The following ZFAND3 variants were observed in gnomAD, a reference collection of about 807,000 sequenced individuals.
ZFAND3 encodes AN1-type zinc finger protein 3.
ZFAND3 carries 10 observed loss-of-function variants against 29.6 expected under a neutral mutation model. The ratio of observed to expected loss-of-function variants is 0.34; its 90% confidence interval spans 0.21 to 0.57. The LOEUF (loss-of-function observed/expected upper bound fraction) is 0.57. ZFAND3 is among the 20% of genes least tolerant of loss of function. ZFAND3 has a pLI of 0.86. For synonymous variants in ZFAND3, 128 were observed against 112.6 expected, an observed-to-expected ratio of 1.14 and a Z score of -0.87; for missense variants, 230 against 304.5, an observed-to-expected ratio of 0.76 and a Z score of 1.82.
intron 4 of ZFAND3, among the ~76,000 whole-genome samples, chr6:38,110,711 C>G (rs781519567): frequency 3.9e-5 from 6 of 152,184 alleles, no homozygotes; most frequent in Non-Finnish European, 4.4e-5. Flanking sequence ...TAAACAGATT[C>G]ATCTTTCGTA....
At chr6:37,827,653 G>C (rs1423567785) in intron 1 of ZFAND3, among the ~76,000 whole-genome samples, 1 of 152,192 alleles carries the variant, frequency 6.6e-6, no homozygotes, top group East Asian at 1.9e-4. Flanking sequence ...ATAAGTGAAT[G>C]AAAATGCATG....
At chr6:37,837,289 T>C (rs1763985241) in intron 1 of ZFAND3, among the ~76,000 whole-genome samples, 1 of 152,190 alleles carries the variant, frequency 6.6e-6, no homozygotes, top group South Asian at 2.1e-4. Flanking sequence ...AAAGGACATA[T>C]TGGAATTATT....
In ZFAND3 at chr6:38,058,057, C is replaced by T. The variant is rs182065411; in HGVS notation, c.113-3536C>T. 9.9e-4 allele frequency among the ~76,000 whole-genome samples: 150 copies of T among 152,258 alleles called. 1 individual carries two copies. The highest frequency in any genetic ancestry group is 2.5e-4 in the Non-Finnish European group (17 of 68,014). ...CTGAAGTTTTTGAACTGCCAGTTCA[C>T]AAAAGAGAACTTGAAAGTACCTGAG... is the stretch of plus-strand genomic sequence containing the variant. On this transcript the variant is annotated intron_variant, in intron 2 of 5. Coordinates refer to ENST00000287218, the MANE Select transcript of ZFAND3 (RefSeq NM_021943.3).
At chr6:37,867,281 G>T (rs1481135142) in intron 1 of ZFAND3, among the ~76,000 whole-genome samples, 1 of 152,196 alleles carries the variant, frequency 6.6e-6, no homozygotes, top group Non-Finnish European at 1.5e-5. Flanking sequence ...CAGAAGGAAT[G>T]ATGTGAAGGC....
At chr6:37,844,395 C>A (rs1250930204) in intron 1 of ZFAND3, among the ~76,000 whole-genome samples, 1 of 152,128 alleles carries the variant, frequency 6.6e-6, no homozygotes, top group East Asian at 1.9e-4. Flanking sequence ...CATTCTCCTG[C>A]CTCAGGCTCC....
At chr6:38,127,764 G>A (rs1374566047) in intron 5 of ZFAND3, among the ~76,000 whole-genome samples, 2 of 151,534 alleles carry the variant, frequency 1.3e-5, no homozygotes, top group African/African-American at 2.4e-5. Flanking sequence ...GATCACACCT[G>A]TGTGCTAAAT....
chr6:38,140,756 T>TG (rs1765934373), intron 5 of ZFAND3, among the ~76,000 whole-genome samples: 1 of 152,210 alleles, frequency 6.6e-6, no homozygotes, highest in Non-Finnish European at 1.5e-5. Context: ...AACTGGGCTA[T>TG]GTGGTTATTA....
At chr6:38,073,818 C>G (rs1027685348) in intron 3 of ZFAND3, among the ~76,000 whole-genome samples, 1 of 152,056 alleles carries the variant, frequency 6.6e-6, no homozygotes, top group African/African-American at 2.4e-5. Flanking sequence ...AACTGCTTAC[C>G]CAGAATCCTT....
intron 2 of ZFAND3, among the ~76,000 whole-genome samples, chr6:38,033,279 ATT>A (rs1763596131): frequency 6.6e-6 from 1 of 152,196 alleles, no homozygotes; most frequent in South Asian, 2.1e-4. Flanking sequence ...GGGATGTTGT[ATT>A]CAGGAATAGG....
At chr6:38,001,915 T>C (rs1762955402) in intron 2 of ZFAND3, among the ~76,000 whole-genome samples, 1 of 151,940 alleles carries the variant, frequency 6.6e-6, no homozygotes, top group Non-Finnish European at 1.5e-5. Flanking sequence ...TTTTAGTCTT[T>C]TCTTTTAGTC....
chr6:38,061,545 C>CA, intron 2 of ZFAND3, 48 bp from the exon 3 acceptor site: 1 of 1,604,672 alleles, frequency 6.2e-7, no homozygotes, highest in South Asian at 1.1e-5. Context: ...TTCTAATCCT[C>CA]AGAGACTGTG....
chr6:38,007,254 C>T (rs1467746955), intron 2 of ZFAND3, among the ~76,000 whole-genome samples: 2 of 152,138 alleles, frequency 1.3e-5, no homozygotes, highest in Non-Finnish European at 2.9e-5. Flanking sequence ...TGCTTGGTGG[C>T]TCATGCCTGT....
chr6:37,961,289 G>C (rs531665821), intron 2 of ZFAND3, among the ~76,000 whole-genome samples: 2 of 152,328 alleles, frequency 1.3e-5, no homozygotes, highest in Non-Finnish European at 2.9e-5. Context: ...GGAGGGAAGA[G>C]TAGGAAGGAC....
intron 2 of ZFAND3, among the ~76,000 whole-genome samples, chr6:38,060,695 C>T: frequency 6.6e-6 from 1 of 152,170 alleles, no homozygotes; most frequent in East Asian, 1.9e-4. Flanking sequence ...AAGCAGTCCT[C>T]CCGCCTCAGT....
At chr6:38,048,481 G>T (rs1359350830) in intron 2 of ZFAND3, among the ~76,000 whole-genome samples, 1 of 151,756 alleles carries the variant, frequency 6.6e-6, no homozygotes, top group Non-Finnish European at 1.5e-5. Context: ...AATTAGCCAG[G>T]TGTGGTGGCA....
intron 2 of ZFAND3, among the ~76,000 whole-genome samples, chr6:37,987,718 C>A (rs1762693928): frequency 6.6e-6 from 1 of 152,132 alleles, no homozygotes; most frequent in South Asian, 2.1e-4. Context: ...TTTGTTGAAT[C>A]AGGATGGAGA....
intron 2 of ZFAND3, among the ~76,000 whole-genome samples, chr6:38,053,664 A>AT (rs1764074674): frequency 6.6e-6 from 1 of 152,194 alleles, no homozygotes; most frequent in African/African-American, 2.4e-5. Context: ...GCACCACTAC[A>AT]TTCCAGCCTG....
chr6:37,828,150 G>C (rs1416861420), intron 1 of ZFAND3, among the ~76,000 whole-genome samples: 1 of 152,208 alleles, frequency 6.6e-6, no homozygotes, highest in Non-Finnish European at 1.5e-5. Context: ...ACACTTCCTG[G>C]AAGGAGAAAC....
chr6:37,925,137 T>C (rs1417605127), intron 1 of ZFAND3, among the ~76,000 whole-genome samples: 2 of 152,118 alleles, frequency 1.3e-5, no homozygotes, highest in Non-Finnish European at 2.9e-5. Context: ...TAGGAAATTG[T>C]TGGATAGTGT....
Sources: gnomAD v4.1 joint callset for allele counts (sites outside exome capture counted in the v4.1 genomes callset) on GRCh38, gnomAD v4.1.1 for gene constraint, MANE v1.5 for transcripts, NCBI Gene and HGNC (gene_info 2026-07-23, HGNC 2026-07-21) for gene names.